PRAME: variants seen among roughly 807,000 people sequenced by gnomAD.
PRAME encodes PRAME nuclear receptor transcriptional regulator.
A neutral mutation model predicts 32.1 loss-of-function variants in PRAME; 21 were observed. The observed-to-expected ratio is 0.65, with a 90% CI of 0.46 to 0.94. The LOEUF (loss-of-function observed/expected upper bound fraction) is 0.94, where lower values mean the gene tolerates loss of function less well. PRAME is among the 40% of genes least tolerant of loss of function. The pLI is 0.00. For missense variants in PRAME, 651 were observed against 622.3 expected (o/e 1.05, Z -0.49); for synonymous variants, 274 against 251.5 (o/e 1.09, Z -0.85).
chr22:22,555,706 T>C, intron 3 of PRAME: 1 of 378,642 alleles, frequency 2.6e-6, no homozygotes, highest in Non-Finnish European at 5.6e-6. Flanking sequence ...TGTGCCGTCC[T>C]TGAGCCTTTA....
At chr22:22,555,883 G>A (rs1019814596) in intron 3 of PRAME, 1 of 470,938 alleles carries the variant, frequency 2.1e-6, no homozygotes, top group Admixed American at 2.4e-5. Flanking sequence ...GCCTCCTGGA[G>A]CTCATACTCT....
rs531198807 is a variant in PRAME at position 22,550,361 on chromosome 22, G to A, written c.345-27C>T. The A allele has an allele frequency of 4.3e-5, 69 of 1,602,164 alleles. No homozygotes were observed. In the Middle Eastern group the frequency reaches 6.1e-4, roughly 14 times the overall value. ...TGTGGGGAAAAACAGGTAATTAGCT[G>A]AGATGATGCTTTAAGATCAACTCAA... On this transcript the variant is annotated intron_variant, in intron 4 of 5. Transcript: ENST00000405655.
At chr22:22,556,937 AAAG>A (rs1212199555) in intron 2 of PRAME, 28 bp from the exon 3 acceptor site, 10 of 1,408,482 alleles carry the variant, frequency 7.1e-6, no homozygotes, top group Admixed American at 1.7e-5. Flanking sequence ...AATGCTCCAA[AAAG>A]AAGAATACAT....
At position 22,550,928 on chromosome 22, in the gene PRAME, A is replaced by G; in HGVS notation, c.183T>C (p.Phe61=). The G allele has an allele frequency of 1.9e-6, 3 of 1,613,848 alleles. No individual in the cohort carries two copies. In the South Asian group the frequency reaches 3.3e-5, roughly 18 times the overall value. Reference sequence around the variant, plus strand: ...TCAGGGTCTGGCTGTGTCTCCCGTCAAAGGCTGCCATGAAGAGTGGCGGGA... The same window carrying G: ...TCAGGGTCTGGCTGTGTCTCCCGTCGAAGGCTGCCATGAAGAGTGGCGGGA... The part of the protein sequence containing the change: ...ELFPPLFMAA[F]DGRHSQTLKA... Residue 61 remains phenylalanine (F), a synonymous_variant, in exon 4 of 6, where the codon TTT becomes TTC. Coordinates refer to ENST00000405655, the MANE Select transcript of PRAME (RefSeq NM_206956.3).
chr22:22,556,916 G>C lies in PRAME; in HGVS notation c.-77-7C>G. The C allele has an allele frequency of 6.6e-7, 1 of 1,516,012 alleles. No homozygotes were observed. The highest frequency in any genetic ancestry group is 9.2e-7 in the Non-Finnish European group (1 of 1,092,652). The allele number at this position is 1,516,012 out of a possible 1,614,324, so 93.9% of individuals were successfully genotyped here. On this transcript the variant is annotated splice_region_variant and splice_polypyrimidine_tract_variant and intron_variant, in intron 2 of 5. Transcript: ENST00000405655. ...CACTTGTTGCCACGCACGTCTGAGAGTAATAATCAAAATGCTCCAAAAAGA... is the reference window on the plus strand; with the variant it reads ...CACTTGTTGCCACGCACGTCTGAGACTAATAATCAAAATGCTCCAAAAAGA...
In PRAME at chr22:22,550,117, A is replaced by C; in HGVS notation, c.562T>G (p.Cys188Gly). Residue 188 changes from cysteine (C) to glycine (G), a missense_variant, in exon 5 of 6, where the codon TGT becomes GGT. Cys to Gly is a radical substitution (Grantham distance 159, BLOSUM62 -3). Transcript: ENST00000405655. ...LVDLFLKEGACDELFSYLIEK... is the reference protein window; with the variant it reads ...LVDLFLKEGAGDELFSYLIEK... ...ATGAGGTAGGAGAACAATTCATCAC[A>C]GGCACCTTCCTTGAGGAACAGGTCT... 7 of 1,613,912 alleles carry C rather than the reference A, an allele frequency of 4.3e-6. No individual in the cohort carries two copies. The highest frequency in any genetic ancestry group is 5.9e-6 in the Non-Finnish European group (7 of 1,179,976).
intron 5 of PRAME, 75 bp downstream of exon 5, chr22:22,549,651 C>CAAG: frequency 7.3e-6 from 11 of 1,498,604 alleles, no homozygotes; most frequent in Non-Finnish European, 9.8e-6. Flanking sequence ...CTGGCACATA[C>CAAG]AAGATATCCT....
chr22:22,553,042 AT>A (rs1037971221), intron 3 of PRAME: 8 of 416,896 alleles, frequency 1.9e-5, no homozygotes, highest in African/African-American at 1.7e-4. Flanking sequence ...GGTTCAACTG[AT>A]TGAATGGGAT....
rs200145988 is a variant in PRAME at position 22,551,073 on chromosome 22, C to T, written c.38G>A (p.Arg13Gln). ...RRRLWGSIQS[R>Q]YISMSVWTSP... is the part of the protein sequence containing the mutation. ...TGTCCACACACTCATGCTGATGTATCGGCTCTGAATGGAACCCTGAGGAAA... is the reference window on the plus strand; with the variant it reads ...TGTCCACACACTCATGCTGATGTATTGGCTCTGAATGGAACCCTGAGGAAA... The change falls in exon 4 of 6, where the codon CGA (arginine) becomes CAA (glutamine). Residue 13 changes from arginine (R) to glutamine (Q), a missense_variant. Physicochemically the swap from Arg to Gln is conservative, Grantham distance 43. Coordinates refer to ENST00000405655, the MANE Select transcript of PRAME (RefSeq NM_206956.3). 2.1e-5 allele frequency: 34 copies of T among 1,585,928 alleles called. 1 individual carries two copies. In the East Asian group the frequency reaches 4.3e-4, roughly 20 times the overall value.
chr22:22,551,555 C>T (rs1465598021), intron 3 of PRAME, among the ~76,000 whole-genome samples: 1 of 151,694 alleles, frequency 6.6e-6, no homozygotes, highest in Non-Finnish European at 1.5e-5. Flanking sequence ...CAATGGATGC[C>T]ATTATGTTTC....
chr22:22,558,767 T>C (rs1223421440), intron 1 of PRAME, among the ~76,000 whole-genome samples: 2 of 151,328 alleles, frequency 1.3e-5, no homozygotes, highest in Non-Finnish European at 2.9e-5. Context: ...CCTGGGTCTG[T>C]GCTTCTGGCG....
chr22:22,550,712 C>G, intron 4 of PRAME, 55 bp downstream of exon 4: 5 of 1,507,516 alleles, frequency 3.3e-6, no homozygotes, highest in Non-Finnish European at 3.6e-6. Flanking sequence ...CTGACCCCAG[C>G]TGCATCCTGC....
rs1436845689 is a variant in PRAME, at chr22:22,548,337, TA to T, written c.1259del (p.Ile420AsnfsTer14). On this transcript the variant is annotated frameshift_variant, in exon 6 of 6. Coordinates refer to ENST00000405655, the MANE Select transcript of PRAME (RefSeq NM_206956.3). LOFTEE classifies it low-confidence loss of function (END_TRUNC). ...GCTGCAGGAGACTCTGCAGGGCAGATATGGAGATGGAATTCCCGTAGAAGCT... is the reference window on the plus strand; with the variant it reads ...GCTGCAGGAGACTCTGCAGGGCAGATTGGAGATGGAATTCCCGTAGAAGCT... ...TLSFYGNSISISALQSLLQHL... is the reference protein window; with the variant it reads ...TLSFYGNSISXSALQSLLQHL... The T allele has an allele frequency of 6.2e-7, 1 of 1,613,554 alleles. No individual in the cohort carries two copies. The highest frequency in any genetic ancestry group is 1.1e-5 in the South Asian group (1 of 91,058).
chr22:22,551,113 G>A, intron 3 of PRAME, 24 bp from the exon 4 acceptor site: 1 of 1,533,698 alleles, frequency 6.5e-7, no homozygotes, highest in Non-Finnish European at 8.8e-7. Flanking sequence ...CAGGGAACAA[G>A]GCATCCCTTT....
rs1172937530 is a variant in PRAME at position 22,550,870 on chromosome 22, G to A, written c.241C>T (p.Leu81Phe). Residue 81 changes from leucine (L) to phenylalanine (F), a missense_variant, in exon 4 of 6, where the codon CTC becomes TTC. By Grantham distance (22) the Leu-to-Phe change is conservative. Coordinates refer to ENST00000405655, the MANE Select transcript of PRAME (RefSeq NM_206956.3). ...CCCTTCATCAGCACTCCCAGAGGGA[G>A]GCAGGTGAAGGGCCAGGCCTGCACC... ...AMVQAWPFTC[L>F]PLGVLMKGQH... is the part of the protein sequence containing the mutation. 4 of 1,613,708 alleles carry A rather than the reference G, an allele frequency of 2.5e-6. No individual in the cohort carries two copies. In the African/African-American group the frequency reaches 4.0e-5, roughly 16 times the overall value.
chr22:22,548,017 G>T lies in PRAME; in HGVS notation c.*50C>A, dbSNP rs781433601. 1 of 1,534,698 alleles carries T rather than the reference G, an allele frequency of 6.5e-7. No homozygotes were observed. Among genetic ancestry groups the T allele is most frequent in the South Asian group, 1.3e-5 (1 of 79,820 alleles). ...TTGCTTCAAGATGCATGCACATCCT[G>T]GCTTTAGTGTCCAAGTATGCAGAAT... On this transcript the variant is annotated 3_prime_UTR_variant, in exon 6 of 6. Transcript: ENST00000405655.
intron 3 of PRAME, chr22:22,555,782 C>T (rs2062869858): frequency 6.7e-6 from 3 of 444,886 alleles, no homozygotes; most frequent in South Asian, 3.2e-5. Flanking sequence ...CCAGGTGGCA[C>T]CCAAGGATGA....
At chr22:22,556,934 C>A in intron 2 of PRAME, 25 bp from the exon 3 acceptor site, 1 of 1,425,058 alleles carries the variant, frequency 7.0e-7, no homozygotes, top group Non-Finnish European at 9.9e-7. Context: ...CAAAATGCTC[C>A]AAAAAGAAGA....
rs774790656 is a variant in PRAME at position 22,548,584 on chromosome 22, T to A, written c.1013A>T (p.Asp338Val). The A allele has an allele frequency of 6.2e-7, 1 of 1,611,940 alleles. No individual in the cohort carries two copies. Among genetic ancestry groups the A allele is most frequent in the Non-Finnish European group, 8.5e-7 (1 of 1,179,854 alleles). The change falls in exon 6 of 6, where the codon GAT (aspartate) becomes GTT (valine). Residue 338 changes from aspartate to valine, a missense_variant. Transcript: ENST00000405655. ...GGGACTCTGGGACAGATGCATCACA[T>A]CCCCTTCCGAAAGCCGGCAGTTAGT... ...SITNCRLSEG[D>V]VMHLSQSPSV...
Sources: gnomAD v4.1 joint callset for allele counts (sites outside exome capture counted in the v4.1 genomes callset) on GRCh38, gnomAD v4.1.1 for gene constraint, MANE v1.5 for transcripts, NCBI Gene and HGNC (gene_info 2026-07-23, HGNC 2026-07-21) for gene names.